The following LSM11 variants were observed in gnomAD, a reference collection of about 807,000 sequenced individuals.
LSM11 encodes the protein U7 snRNA-associated Sm-like protein LSm11.
A neutral mutation model predicts 28.1 loss-of-function variants in LSM11; 14 were observed. The ratio of observed to expected loss-of-function variants is 0.50; its 90% confidence interval spans 0.33 to 0.78. The LOEUF (loss-of-function observed/expected upper bound fraction) is 0.78. Ranked by LOEUF, LSM11 falls within the 30% of genes least tolerant of loss-of-function variation. The probability of loss-of-function intolerance (pLI) is 0.02; values close to 1 mark genes in which losing one functional copy is unlikely to be tolerated. For missense variants in LSM11, 495 were observed against 510.6 expected, an observed-to-expected ratio of 0.97 and a Z score of 0.30; for synonymous variants, 207 against 214.2, an observed-to-expected ratio of 0.97 and a Z score of 0.30.
At position 157,744,140 on chromosome 5, in the gene LSM11, C is replaced by T. The variant is rs1561618517; in HGVS notation, c.390C>T (p.Gly130=). ...KEEGDGAAGA[G]RRGPGRSRKA... ...AAGGGGACGGGGCCGCAGGAGCGGG[C>T]CGGAGGGGTCCGGGTCGGAGCAGGA... Residue 130 remains glycine, a synonymous_variant, in exon 1 of 4, where the codon GGC becomes GGT. Transcript: ENST00000286307. 1 of 1,453,660 alleles carries T rather than the reference C, an allele frequency of 6.9e-7. No individual in the cohort carries two copies. Among genetic ancestry groups the T allele is most frequent in the Non-Finnish European group, 9.1e-7 (1 of 1,104,858 alleles). 90.0% of individuals were successfully genotyped at this position (1,453,660 alleles called of 1,614,324 possible). A position where few individuals can be genotyped will look rare whatever the true frequency, so the allele number is the denominator to read the frequency against.
At position 157,754,839 on chromosome 5, in the gene LSM11, T is replaced by C. The variant is rs1761296818; in HGVS notation, c.673-15T>C. The C allele has an allele frequency of 6.2e-7, 1 of 1,602,380 alleles. No homozygotes were observed. Among genetic ancestry groups the C allele is most frequent in the Non-Finnish European group, 8.5e-7 (1 of 1,173,680 alleles). On this transcript the variant is annotated splice_polypyrimidine_tract_variant and intron_variant, in intron 3 of 3. Coordinates refer to ENST00000286307, the MANE Select transcript of LSM11 (RefSeq NM_173491.4). ...CTAAAGAGAAGGCTAATATTTATCA[T>C]TGTTTGCTTTATAGCTATTTGATCG...
In LSM11 at chr5:157,743,831, C is replaced by T. The variant is rs371182781; in HGVS notation, c.81C>T (p.Ser27=). ...CGCCCAGCCCGCGGCTGGATGTCAG[C>T]TCTGACAGCTTCGACCCGCTGCTGG... The part of the protein sequence containing the change: ...ARPPSPRLDV[S]SDSFDPLLAL... Residue 27 remains serine, a synonymous_variant, in exon 1 of 4, where the codon AGC becomes AGT. Transcript: ENST00000286307. The T allele has an allele frequency of 7.8e-6, 12 of 1,545,420 alleles. No individual in the cohort carries two copies. In the African/African-American group the frequency reaches 1.6e-4, roughly 20 times the overall value.
intron 1 of LSM11, among the ~76,000 whole-genome samples, chr5:157,750,007 G>C (rs941137546): frequency 3.3e-5 from 5 of 152,196 alleles, no homozygotes; most frequent in Admixed American, 6.5e-5. Context: ...TATATATCCA[G>C]ACTTCTAAGA....
In LSM11 at chr5:157,758,088, CAG is replaced by C. The variant is rs1761358384; in HGVS notation, c.*2826_*2827del. 6.6e-6 allele frequency: 1 copy of C among 152,146 alleles called. No homozygotes were observed. The highest frequency in any genetic ancestry group is 6.6e-5 in the Admixed American group (1 of 15,266). The allele number at this position is 152,146 out of a possible 1,614,324, so 9.4% of individuals were successfully genotyped here. A position where few individuals can be genotyped will look rare whatever the true frequency, so the allele number is the denominator to read the frequency against. ...ATAAAGCATGATAATTACTTTTTAA[CAG>C]AAGTTCATTTTTAAAGATTACTCCC... On this transcript the variant is annotated 3_prime_UTR_variant, in exon 4 of 4. Transcript: ENST00000286307.
intron 2 of LSM11, among the ~76,000 whole-genome samples, chr5:157,752,117 T>G (rs950567607): frequency 6.6e-6 from 1 of 151,718 alleles, no homozygotes; most frequent in Non-Finnish European, 1.5e-5. Flanking sequence ...TAAATAAGGA[T>G]AGAGGTGAAG....
At chr5:157,751,936 C>T (rs1761238500) in intron 2 of LSM11, among the ~76,000 whole-genome samples, 1 of 152,114 alleles carries the variant, frequency 6.6e-6, no homozygotes, top group Non-Finnish European at 1.5e-5. Context: ...GTTGAGAAAC[C>T]CAGCCTTAAG....
chr5:157,749,044 A>G (rs543520897), intron 1 of LSM11, among the ~76,000 whole-genome samples: 2 of 152,212 alleles, frequency 1.3e-5, no homozygotes, highest in Non-Finnish European at 2.9e-5. Context: ...CTAGTGTCGT[A>G]CTTTTGATCA....
In LSM11 at chr5:157,756,670, G is replaced by T. The variant is rs529725342; in HGVS notation, c.*1406G>T. ...CACTGGCTCATCATGCAATGAAAAG[G>T]TGAGCAGACTTAACCCCTCCGTGCC... On this transcript the variant is annotated 3_prime_UTR_variant, in exon 4 of 4. Transcript: ENST00000286307. The T allele has an allele frequency of 2.2e-4, 34 of 152,594 alleles. No individual in the cohort carries two copies. The East Asian group carries it at 6.6e-3, about 30-fold the overall frequency. 9.5% of individuals were successfully genotyped at this position (152,594 alleles called of 1,614,324 possible).
chr5:157,744,179 C>G lies in LSM11; in HGVS notation c.429C>G (p.Asn143Lys). The change falls in exon 1 of 4, where the codon AAC (asparagine) becomes AAG (lysine). Residue 143 changes from asparagine (N) to lysine (K), a missense_variant. By Grantham distance (94) the Asn-to-Lys change is moderately conservative. Coordinates refer to ENST00000286307, the MANE Select transcript of LSM11 (RefSeq NM_173491.4). Reference protein sequence around the residue: ...GPGRSRKAPRNVLTRMPLHEG... With the variant: ...GPGRSRKAPRKVLTRMPLHEG... ...GTCGGAGCAGGAAGGCGCCACGCAA[C>G]GTGCTCACGCGAATGCCCTGTGAGT... The G allele has an allele frequency of 7.4e-7, 1 of 1,343,176 alleles. No individual in the cohort carries two copies. Among genetic ancestry groups the G allele is most frequent in the Non-Finnish European group, 9.6e-7 (1 of 1,045,314 alleles). 83.2% of individuals were successfully genotyped at this position (1,343,176 alleles called of 1,614,324 possible).
chr5:157,755,393 C>T lies in LSM11; in HGVS notation c.*129C>T. 2 of 1,033,466 alleles carry T rather than the reference C, an allele frequency of 1.9e-6. No homozygotes were observed. 64.0% of individuals were successfully genotyped at this position (1,033,466 alleles called of 1,614,324 possible). ...GGTCCTGCATATGCAGAGGACGGAG[C>T]AGGCTCAGCCCCCTGGAAGATGAGC... On this transcript the variant is annotated 3_prime_UTR_variant, in exon 4 of 4. Coordinates refer to ENST00000286307, the MANE Select transcript of LSM11 (RefSeq NM_173491.4).
chr5:157,743,720 C>A lies in LSM11; in HGVS notation c.-31C>A, dbSNP rs530955099. The A allele has an allele frequency of 2.3e-6, 3 of 1,310,566 alleles. No individual in the cohort carries two copies. Among genetic ancestry groups the A allele is most frequent in the East Asian group, 6.2e-5 (2 of 32,260 alleles). The allele number at this position is 1,310,566 out of a possible 1,614,324, so 81.2% of individuals were successfully genotyped here. ...CCTCTGGCGGCTTCGTTCCTTCTTCCCATCGGCCTCGGCTTGCGGGCCTTT... is the reference window on the plus strand; with the variant it reads ...CCTCTGGCGGCTTCGTTCCTTCTTCACATCGGCCTCGGCTTGCGGGCCTTT... On this transcript the variant is annotated 5_prime_UTR_variant, in exon 1 of 4. Transcript: ENST00000286307.
rs1561622799 is a variant in LSM11, at chr5:157,757,980, C to CAT, written c.*2716_*2717insAT. On this transcript the variant is annotated 3_prime_UTR_variant, in exon 4 of 4. Transcript: ENST00000286307. The stretch of plus-strand genomic sequence containing the variant: ...CTGTGTATGATCTATTTTATGTGCT[C>CAT]TATGTTCCCATTTGTTTGTTTGGTC... 3 of 152,198 alleles carry CAT rather than the reference C, an allele frequency of 2.0e-5. No individual in the cohort carries two copies. In the South Asian group the frequency reaches 6.2e-4, roughly 32 times the overall value. The allele number at this position is 152,198 out of a possible 1,614,324, so 9.4% of individuals were successfully genotyped here. A position where few individuals can be genotyped will look rare whatever the true frequency, so the allele number is the denominator to read the frequency against.
rs1761334793 is a variant in LSM11, at chr5:157,756,828, A to C, written c.*1564A>C. On this transcript the variant is annotated 3_prime_UTR_variant, in exon 4 of 4. Transcript: ENST00000286307. Reference sequence around the variant, plus strand: ...GACTCTGTTTCATAGCTTTGTAAGAATTCTGTGTCTTTATAAGACACAGAA... The same window carrying C: ...GACTCTGTTTCATAGCTTTGTAAGACTTCTGTGTCTTTATAAGACACAGAA... The C allele has an allele frequency of 6.6e-6, 1 of 152,622 alleles. No individual in the cohort carries two copies. Among genetic ancestry groups the C allele is most frequent in the Non-Finnish European group, 1.5e-5 (1 of 68,050 alleles). The allele number at this position is 152,622 out of a possible 1,614,324, so 9.5% of individuals were successfully genotyped here.
At chr5:157,745,182 C>T (rs1487576786) in intron 1 of LSM11, among the ~76,000 whole-genome samples, 1 of 152,212 alleles carries the variant, frequency 6.6e-6, no homozygotes, top group East Asian at 1.9e-4. Context: ...GACATCTGCC[C>T]TGTGAACACA....
At chr5:157,753,735 A>G (rs1396734801) in intron 2 of LSM11, among the ~76,000 whole-genome samples, 1 of 152,178 alleles carries the variant, frequency 6.6e-6, no homozygotes, top group African/African-American at 2.4e-5. Flanking sequence ...ATTCTTGCAC[A>G]CTGAAATTTA....
chr5:157,753,903 TGAATA>T (rs1761280477), intron 2 of LSM11, 96 bp from the exon 3 acceptor site: 2 of 766,056 alleles, frequency 2.6e-6, no homozygotes, highest in Non-Finnish European at 2.0e-6. Flanking sequence ...AGTTCTGCTC[TGAATA>T]GATGTTACTC....
At chr5:157,746,878 A>C (rs1475731462) in intron 1 of LSM11, among the ~76,000 whole-genome samples, 1 of 152,188 alleles carries the variant, frequency 6.6e-6, no homozygotes, top group Non-Finnish European at 1.5e-5. Context: ...GGGACATCAT[A>C]GAGACCTCTA....
chr5:157,754,116 T>C, intron 3 of LSM11, 29 bp downstream of exon 3: 1 of 1,423,030 alleles, frequency 7.0e-7, no homozygotes, highest in Non-Finnish European at 9.5e-7. Context: ...ACCTCCTGAG[T>C]AGCCATCATG....
chr5:157,752,797 G>A (rs1203009576), intron 2 of LSM11, among the ~76,000 whole-genome samples: 2 of 142,644 alleles, frequency 1.4e-5, no homozygotes, highest in East Asian at 4.1e-4. Context: ...AGTGAGCCGA[G>A]ATCATGCCAC....
Sources: gnomAD v4.1 joint callset for allele counts (sites outside exome capture counted in the v4.1 genomes callset) on GRCh38, gnomAD v4.1.1 for gene constraint, MANE v1.5 for transcripts, NCBI Gene and HGNC (gene_info 2026-07-23, HGNC 2026-07-21) for gene names.